The following ABL2 variants were observed in gnomAD, a reference collection of about 807,000 sequenced individuals.
ABL2 encodes the protein ABL proto-oncogene 2, non-receptor tyrosine kinase.
In ABL2, 49 loss-of-function variants were observed where a neutral mutation model predicts 107.7. The observed-to-expected ratio is 0.45, with a 90% confidence interval of 0.36 to 0.58. The LOEUF (loss-of-function observed/expected upper bound fraction) is 0.58. ABL2 is among the 20% of genes least tolerant of loss of function. ABL2 has a pLI of 0.00. For missense variants in ABL2, 1,245 were observed against 1,457.0 expected (o/e 0.85, Z 2.37); for synonymous variants, 549 against 548.6 (o/e 1.00, Z -0.01).
At chr1:179,220,377 G>A (rs929795251) in intron 1 of ABL2, among the ~76,000 whole-genome samples, 9 of 152,198 alleles carry the variant, frequency 5.9e-5, no homozygotes, top group Non-Finnish European at 1.0e-4. Flanking sequence ...TACAATGGTG[G>A]GGAGATGCTG....
chr1:179,186,925 C>T (rs531916131), intron 1 of ABL2, among the ~76,000 whole-genome samples: 3 of 151,986 alleles, frequency 2.0e-5, no homozygotes, highest in East Asian at 1.9e-4. Flanking sequence ...TTAGTAGACA[C>T]GGGGTTATGT....
At chr1:179,156,931 AAAACT>A (rs1658732440) in intron 1 of ABL2, among the ~76,000 whole-genome samples, 2 of 146,388 alleles carry the variant, frequency 1.4e-5, no homozygotes, top group South Asian at 2.2e-4. Flanking sequence ...ATAAATAAAT[AAAACT>A]CTATTAAATT....
At chr1:179,130,317 T>C (rs1656164470) in intron 3 of ABL2, among the ~76,000 whole-genome samples, 2 of 152,260 alleles carry the variant, frequency 1.3e-5, no homozygotes, top group African/African-American at 2.4e-5. Context: ...GTCTGCGAAC[T>C]TGACTGCCTA....
intron 1 of ABL2, among the ~76,000 whole-genome samples, chr1:179,153,770 T>C (rs1033208805): frequency 3.9e-5 from 6 of 152,156 alleles, no homozygotes; most frequent in Non-Finnish European, 4.4e-5. Flanking sequence ...CTTTTCAACC[T>C]ACCATAGCTC....
At chr1:179,112,193 G>A in intron 10 of ABL2, 116 bp downstream of exon 10, 1 of 824,988 alleles carries the variant, frequency 1.2e-6, no homozygotes, top group Non-Finnish European at 1.9e-6. Flanking sequence ...GTTAAAAGTT[G>A]AAACAGAGTC....
intron 1 of ABL2, among the ~76,000 whole-genome samples, chr1:179,158,155 G>A (rs1658822665): frequency 6.6e-6 from 1 of 152,136 alleles, no homozygotes; most frequent in African/African-American, 2.4e-5. Context: ...TGAGGACTAG[G>A]ATTGGGGACA....
At chr1:179,167,652 T>C (rs1659468338) in intron 1 of ABL2, among the ~76,000 whole-genome samples, 1 of 152,236 alleles carries the variant, frequency 6.6e-6, no homozygotes, top group Non-Finnish European at 1.5e-5. Flanking sequence ...TTACTCATTC[T>C]ATGCATGTAA....
At chr1:179,130,599 G>C (rs1656196421) in intron 3 of ABL2, among the ~76,000 whole-genome samples, 1 of 152,138 alleles carries the variant, frequency 6.6e-6, no homozygotes, top group African/African-American at 2.4e-5. Context: ...GAAAGGAATG[G>C]TAGGAAAGGT....
rs1007840256 is a variant in ABL2 at position 179,104,823 on chromosome 1, C to A, written c.*2895G>T. On this transcript the variant is annotated 3_prime_UTR_variant, in exon 12 of 12. Coordinates refer to ENST00000502732, the MANE Select transcript of ABL2 (RefSeq NM_007314.4). Reference sequence around the variant, plus strand: ...TAACCACTTTAGAAAACTGTCAACGCCTTGGACAAGGGCCTTTGCTCATTG... The same window carrying A: ...TAACCACTTTAGAAAACTGTCAACGACTTGGACAAGGGCCTTTGCTCATTG... 4.6e-6 allele frequency: 1 copy of A among 218,488 alleles called. No homozygotes were observed. Among genetic ancestry groups the A allele is most frequent in the Non-Finnish European group, 9.2e-6 (1 of 108,968 alleles). 13.5% of individuals were successfully genotyped at this position (218,488 alleles called of 1,614,324 possible).
chr1:179,123,932 GTTAT>G (rs1425060859), intron 4 of ABL2, among the ~76,000 whole-genome samples: 1 of 150,804 alleles, frequency 6.6e-6, no homozygotes, highest in Non-Finnish European at 1.5e-5. Context: ...TGCCTAGCCT[GTTAT>G]TTATTTTTTT....
intron 1 of ABL2, among the ~76,000 whole-genome samples, chr1:179,223,066 C>T (rs1348498267): frequency 4.5e-4 from 65 of 145,430 alleles, no homozygotes; most frequent in African/African-American, 1.6e-3. Context: ...GCCAAGATCG[C>T]GCCACTGCAC....
At chr1:179,221,309 G>A (rs1339941969) in intron 1 of ABL2, among the ~76,000 whole-genome samples, 9 of 152,170 alleles carry the variant, frequency 5.9e-5, no homozygotes, top group African/African-American at 2.2e-4. Context: ...CTTGAAAACT[G>A]GCCAGGCACA....
intron 1 of ABL2, among the ~76,000 whole-genome samples, chr1:179,148,257 C>T (rs1030187073): frequency 6.6e-5 from 10 of 151,970 alleles, no homozygotes; most frequent in Admixed American, 2.0e-4. Flanking sequence ...CCAGGCTGCT[C>T]TCAAACTCCT....
In ABL2 at chr1:179,126,708, T is replaced by C. The variant is rs746383585; in HGVS notation, c.392-36A>G. On this transcript the variant is annotated intron_variant, in intron 3 of 11. Coordinates refer to ENST00000502732, the MANE Select transcript of ABL2 (RefSeq NM_007314.4). The surrounding 1 kb of genome is among the most constrained non-coding windows in gnomAD (Gnocchi z 4.4). Reference sequence around the variant, plus strand: ...GGTCATCACAGGATGAAAGAAACGATGTTAAGACTTTATTTCAACTGAAGC... The same window carrying C: ...GGTCATCACAGGATGAAAGAAACGACGTTAAGACTTTATTTCAACTGAAGC... The C allele has an allele frequency of 2.0e-5, 31 of 1,560,932 alleles. No homozygotes were observed. The highest frequency in any genetic ancestry group is 1.2e-5 in the South Asian group (1 of 85,964).
rs776814803 is a variant in ABL2, at chr1:179,126,488, A to G, written c.576T>C (p.Asn192=). The change falls in exon 4 of 12, where the codon AAT becomes AAC. Residue 192 remains asparagine, a synonymous_variant. Transcript: ENST00000502732. This position sits in a 1 kb window ranked among gnomAD's most constrained non-coding sequence, Gnocchi z 4.4. Reference sequence around the variant, plus strand: ...CACTTTCTCGCACCAGGAAGCTGCCATTGATTAGACTGCTGAGCAGATACT... The same window carrying G: ...CACTTTCTCGCACCAGGAAGCTGCCGTTGATTAGACTGCTGAGCAGATACT... ...AAEYLLSSLI[N]GSFLVRESES... The G allele has an allele frequency of 1.2e-5, 20 of 1,614,058 alleles. No homozygotes were observed. Among genetic ancestry groups the G allele is most frequent in the Non-Finnish European group, 1.4e-5 (17 of 1,180,052 alleles).
intron 1 of ABL2, among the ~76,000 whole-genome samples, chr1:179,173,358 A>ATTTTTTTTTTTTTTTTTTTTTTT (rs554479137): frequency 9.4e-6 from 1 of 106,122 alleles, no homozygotes; most frequent in African/African-American, 3.7e-5. Context: ...AAAGGCTGTA[A>ATTTTTTTTTTTTTTTTTTTTTTT]TTTTTTTTTT....
In ABL2 at chr1:179,105,869, A is replaced by T. The variant is rs1257789571; in HGVS notation, c.*1849T>A. Reference sequence around the variant, plus strand: ...TTCATTAATATTTTCTACTCAGCAAATAAGATAATGGAAAACAATTCAGCA... The same window carrying T: ...TTCATTAATATTTTCTACTCAGCAATTAAGATAATGGAAAACAATTCAGCA... On this transcript the variant is annotated 3_prime_UTR_variant, in exon 12 of 12. Coordinates refer to ENST00000502732, the MANE Select transcript of ABL2 (RefSeq NM_007314.4). The T allele has an allele frequency of 4.4e-6, 1 of 224,832 alleles. No individual in the cohort carries two copies. The highest frequency in any genetic ancestry group is 2.2e-5 in the African/African-American group (1 of 44,844). 13.9% of individuals were successfully genotyped at this position (224,832 alleles called of 1,614,324 possible). A position where few individuals can be genotyped will look rare whatever the true frequency, so the allele number is the denominator to read the frequency against.
At position 179,109,107 on chromosome 1, in the gene ABL2, C is replaced by G; in HGVS notation, c.2160G>C (p.Gly720=). ...ANLVPPKCYG[G]SFAQRNLCND... ...TACAGAGGTTCCTCTGTGCAAAGCT[C>G]CCCCCATAGCACTTGGGTGGCACCA... Residue 720 remains glycine, a synonymous_variant, in exon 12 of 12, where the codon GGG becomes GGC. Transcript: ENST00000502732. The G allele has an allele frequency of 6.3e-7, 1 of 1,598,352 alleles. No individual in the cohort carries two copies. The highest frequency in any genetic ancestry group is 1.1e-5 in the South Asian group (1 of 90,588).
intron 1 of ABL2, among the ~76,000 whole-genome samples, chr1:179,195,092 A>G (rs1412103959): frequency 6.6e-6 from 1 of 152,172 alleles, no homozygotes; most frequent in African/African-American, 2.4e-5. Context: ...GTTCCAGACC[A>G]GCCTGGCCAA....
Sources: gnomAD v4.1 joint callset for allele counts (sites outside exome capture counted in the v4.1 genomes callset) on GRCh38, gnomAD v4.1.1 for gene constraint, Gnocchi (gnomAD v3.1) non-coding constraint, MANE v1.5 for transcripts, NCBI Gene and HGNC (gene_info 2026-07-23, HGNC 2026-07-21) for gene names.